Variants in FRMD4B observed in about 807,000 individuals in gnomAD.
FRMD4B encodes the protein FERM domain containing 4B.
FRMD4B carries 74 observed loss-of-function variants against 141.5 expected under a neutral mutation model. The ratio of observed to expected loss-of-function variants is 0.52; its 90% CI spans 0.43 to 0.63. FRMD4B has a LOEUF of 0.63. Ranked by LOEUF, FRMD4B falls within the 30% of genes least tolerant of loss-of-function variation. The probability of loss-of-function intolerance (pLI) is 0.00; values close to 1 mark genes in which losing one functional copy is unlikely to be tolerated. For missense variants in FRMD4B, 1,366 were observed against 1,253.4 expected, an observed-to-expected ratio of 1.09 and a Z score of -1.36; for synonymous variants, 506 against 467.9, an observed-to-expected ratio of 1.08 and a Z score of -1.05.
intron 1 of FRMD4B, among the ~76,000 whole-genome samples, chr3:69,377,436 C>G (rs1156922214): frequency 1.3e-5 from 2 of 152,194 alleles, no homozygotes; most frequent in Non-Finnish European, 2.9e-5. Context: ...TCACTCTTCA[C>G]TTTCTTCCTG....
chr3:69,299,156 TAATG>T (rs907817056), intron 4 of FRMD4B, among the ~76,000 whole-genome samples: 2 of 152,148 alleles, frequency 1.3e-5, no homozygotes, highest in African/African-American at 4.8e-5. Flanking sequence ...CTCCAATACA[TAATG>T]AATGAAGGAA....
chr3:69,371,529 T>C (rs967975831), intron 1 of FRMD4B, among the ~76,000 whole-genome samples: 2 of 151,876 alleles, frequency 1.3e-5, no homozygotes, highest in Non-Finnish European at 2.9e-5. Context: ...GGAGGTGGGG[T>C]TGAGAAAACA....
chr3:69,266,280 G>T (rs904372914), intron 5 of FRMD4B, among the ~76,000 whole-genome samples: 9 of 152,074 alleles, frequency 5.9e-5, no homozygotes, highest in Admixed American at 2.6e-4. Flanking sequence ...GGATTCTGTT[G>T]GGCAAAGTGA....
chr3:69,342,378 A>C (rs1216473489), intron 1 of FRMD4B, among the ~76,000 whole-genome samples: 2 of 152,226 alleles, frequency 1.3e-5, no homozygotes, highest in Non-Finnish European at 2.9e-5. Flanking sequence ...TCCAGACACT[A>C]TCAAGATGCA....
intron 11 of FRMD4B, among the ~76,000 whole-genome samples, chr3:69,201,293 T>C (rs973821918): frequency 6.6e-6 from 1 of 152,212 alleles, no homozygotes; most frequent in Non-Finnish European, 1.5e-5. Context: ...GGGTACGTTG[T>C]ATAGAAACTT....
At chr3:69,301,938 T>G (rs1345255122) in intron 4 of FRMD4B, among the ~76,000 whole-genome samples, 1 of 152,246 alleles carries the variant, frequency 6.6e-6, no homozygotes, top group Non-Finnish European at 1.5e-5. Context: ...TTTTTAAGTC[T>G]GTAGAAAACA....
chr3:69,210,888 C>G (rs993998066), intron 11 of FRMD4B, among the ~76,000 whole-genome samples: 17 of 152,054 alleles, frequency 1.1e-4, no homozygotes, highest in Non-Finnish European at 2.1e-4. Flanking sequence ...TGGCGCATGC[C>G]TGTAATCCCA....
chr3:69,206,379 C>T (rs2093024539), intron 11 of FRMD4B, among the ~76,000 whole-genome samples: 1 of 151,950 alleles, frequency 6.6e-6, no homozygotes. Flanking sequence ...AAACAAAAAC[C>T]CATATCTTAA....
intron 1 of FRMD4B, among the ~76,000 whole-genome samples, chr3:69,330,364 T>A (rs1702327333): frequency 2.2e-5 from 2 of 92,288 alleles, no homozygotes; most frequent in African/African-American, 8.1e-5. Flanking sequence ...TTTTTTTTTT[T>A]GAGACGGAGT....
intron 1 of FRMD4B, among the ~76,000 whole-genome samples, chr3:69,462,028 T>A (rs1206078032): frequency 6.6e-6 from 1 of 152,118 alleles, no homozygotes; most frequent in Non-Finnish European, 1.5e-5. Flanking sequence ...TGCTTACGGG[T>A]GATATCCTGA....
At position 69,429,890 on chromosome 3, in the gene FRMD4B, G is replaced by A. The variant is rs950007925; in HGVS notation, c.-1+2744C>T. 2.6e-5 allele frequency among the ~76,000 whole-genome samples: 4 copies of A among 151,450 alleles called. No homozygotes were observed. In the East Asian group the frequency reaches 7.8e-4, roughly 29 times the overall value. ...TTCTCCTGCCTCAGCCTCCCAAGTA[G>A]CTGGGATTATAGGCATGCACCACCA... On this transcript the variant is annotated intron_variant, in intron 2 of 5. Transcript: ENST00000459638.
At chr3:69,463,028 C>T (rs767343135) in intron 1 of FRMD4B, among the ~76,000 whole-genome samples, 3 of 152,224 alleles carry the variant, frequency 2.0e-5, no homozygotes, top group Non-Finnish European at 4.4e-5. Context: ...GGATTGCACT[C>T]CCCAATAAAG....
Position 69,176,492 on chromosome 3 carries a change from G to C in FRMD4B, c.2984+32C>G, listed in dbSNP as rs776866047. ...CCTGAATTCTTTTGAACTGGAACAG[G>C]CTCCTAGGATTTTCGAGCATTGCTT... On this transcript the variant is annotated intron_variant, in intron 22 of 22. Transcript: ENST00000398540. 2.5e-6 allele frequency: 4 copies of C among 1,583,266 alleles called. No homozygotes were observed. The African/African-American group carries it at 4.0e-5, about 16-fold the overall frequency.
At chr3:69,322,755 C>A (rs1244311977) in intron 1 of FRMD4B, among the ~76,000 whole-genome samples, 1 of 152,104 alleles carries the variant, frequency 6.6e-6, no homozygotes, top group Non-Finnish European at 1.5e-5. Flanking sequence ...TGCCACCACA[C>A]CTGGCTAACT....
intron 2 of FRMD4B, among the ~76,000 whole-genome samples, chr3:69,419,265 G>A (rs1186679323): frequency 6.6e-6 from 1 of 152,176 alleles, no homozygotes; most frequent in African/African-American, 2.4e-5. Context: ...TGAATATGGA[G>A]AGTTTATTGG....
intron 1 of FRMD4B, among the ~76,000 whole-genome samples, chr3:69,455,878 C>T (rs114908669): frequency 3.9e-5 from 6 of 152,206 alleles, no homozygotes; most frequent in African/African-American, 9.7e-5. Flanking sequence ...GAGACTTCTA[C>T]TCTAGGTTCA....
At chr3:69,397,446 T>C (rs905277544) in intron 2 of FRMD4B, among the ~76,000 whole-genome samples, 13 of 152,124 alleles carry the variant, frequency 8.5e-5, no homozygotes, top group African/African-American at 2.7e-4. Flanking sequence ...AACCAATGAA[T>C]TGTACACTTT....
intron 12 of FRMD4B, chr3:69,198,143 G>A (rs1171092713): frequency 6.6e-6 from 1 of 151,992 alleles, no homozygotes; most frequent in Non-Finnish European, 1.5e-5. Context: ...GGCGGGCGGA[G>A]GGGGGCGGGA....
intron 22 of FRMD4B, 57 bp downstream of exon 22, chr3:69,176,467 C>A (rs2107574231): frequency 6.9e-7 from 1 of 1,458,690 alleles, no homozygotes; most frequent in Non-Finnish European, 9.6e-7. Context: ...AATTAGGATC[C>A]CTGAATTCTT....
Sources: allele counts gnomAD v4.1 joint callset (sites outside exome capture counted in the v4.1 genomes callset), GRCh38; gene constraint gnomAD v4.1.1; transcripts MANE v1.5; gene names NCBI Gene and HGNC (gene_info 2026-07-23, HGNC 2026-07-21).